The following PIK3C3 variants were observed in gnomAD, a reference collection of about 807,000 sequenced individuals.
The protein encoded by PIK3C3 is PI3-kinase type 3.
A neutral mutation model predicts 126.1 loss-of-function variants in PIK3C3; 95 were observed. The observed-to-expected ratio is 0.75, with a 90% CI of 0.64 to 0.89. PIK3C3 has a LOEUF of 0.89. Ranked by LOEUF, PIK3C3 falls within the 40% of genes least tolerant of loss-of-function variation. The probability of loss-of-function intolerance (pLI) is 0.00; values close to 1 mark genes in which losing one functional copy is unlikely to be tolerated. For missense variants in PIK3C3, 829 were observed against 1,063.2 expected (o/e 0.78, Z 3.06); for synonymous variants, 374 against 360.0 (o/e 1.04, Z -0.44).
Position 42,049,548 on chromosome 18 carries a change from A to G in PIK3C3, c.2206A>G (p.Thr736Ala), listed in dbSNP as rs1984701774. ...TACTGCAGCTGGATATTGCGTGATC[A>G]CCTATATACTTGGAGTTGGAGACAG... is the stretch of plus-strand genomic sequence containing the variant. Reference protein sequence around the residue: ...VKSCAGYCVITYILGVGDRHL... With the variant: ...VKSCAGYCVIAYILGVGDRHL... Residue 736 changes from threonine to alanine, a missense_variant, in exon 21 of 25, where the codon ACC becomes GCC. By Grantham distance (58) the Thr-to-Ala change is moderately conservative (BLOSUM62 0). This residue lies in a region of PIK3C3 where 196 missense variants were observed against 312.8 expected (regional missense o/e 0.63). Coordinates refer to ENST00000262039, the MANE Select transcript of PIK3C3 (RefSeq NM_002647.4). 6.2e-7 allele frequency: 1 copy of G among 1,612,782 alleles called. No individual in the cohort carries two copies. Among genetic ancestry groups the G allele is most frequent in the Non-Finnish European group, 8.5e-7 (1 of 1,179,196 alleles).
In PIK3C3 at chr18:42,049,586, C is replaced by T. The variant is rs1203989812; in HGVS notation, c.2244C>T (p.Asn748=). 2 of 1,612,860 alleles carry T rather than the reference C, an allele frequency of 1.2e-6. No homozygotes were observed. The highest frequency in any genetic ancestry group is 1.1e-5 in the South Asian group (1 of 91,058). ...GAGTTGGAGACAGGCACCTGGATAA[C>T]CTTTTGCTAACAAAAACAGGTAACA... ...ILGVGDRHLD[N]LLLTKTGKLF... The change falls in exon 21 of 25, where the codon AAC becomes AAT. Residue 748 remains asparagine (N), a synonymous_variant. Coordinates refer to ENST00000262039, the MANE Select transcript of PIK3C3 (RefSeq NM_002647.4).
intron 10 of PIK3C3, among the ~76,000 whole-genome samples, chr18:42,010,540 A>G (rs577664356): frequency 6.6e-6 from 1 of 152,050 alleles, no homozygotes; most frequent in African/African-American, 2.4e-5. Flanking sequence ...TAATTTTTGT[A>G]TTTTTAGTAG....
chr18:41,977,660 G>A (rs1321480868), intron 4 of PIK3C3, among the ~76,000 whole-genome samples: 1 of 151,930 alleles, frequency 6.6e-6, no homozygotes, highest in Non-Finnish European at 1.5e-5. Context: ...GCTAATTTTT[G>A]TAATTGTAGA....
At chr18:41,999,935 A>G (rs1982203350) in intron 9 of PIK3C3, among the ~76,000 whole-genome samples, 1 of 152,170 alleles carries the variant, frequency 6.6e-6, no homozygotes, top group Admixed American at 6.5e-5. Context: ...ATGGTTATGA[A>G]ATAGAAAAGA....
chr18:41,964,188 G>T (rs1230617022), intron 3 of PIK3C3, among the ~76,000 whole-genome samples: 1 of 152,044 alleles, frequency 6.6e-6, no homozygotes, highest in Non-Finnish European at 1.5e-5. Flanking sequence ...AAAACAAATG[G>T]TTTGAATATT....
intron 4 of PIK3C3, among the ~76,000 whole-genome samples, chr18:41,983,276 G>A (rs1356299676): frequency 1.3e-5 from 2 of 151,888 alleles, no homozygotes; most frequent in East Asian, 3.9e-4. Flanking sequence ...ATGGAAGTTT[G>A]TTACTTAATA....
Position 42,077,730 on chromosome 18 carries a change from A to G in PIK3C3, c.2650-3393A>G, listed in dbSNP as rs533256416. On this transcript the variant is annotated intron_variant, in intron 24 of 24. Transcript: ENST00000262039. ...TGGAATCAACTTCTTCCGAACTCCTATTAATGTTGATATTTTCACCTCCTC... is the reference window on the plus strand; with the variant it reads ...TGGAATCAACTTCTTCCGAACTCCTGTTAATGTTGATATTTTCACCTCCTC... Among the ~76,000 whole-genome samples the G allele has an allele frequency of 2.0e-5, 3 of 152,296 alleles. No individual in the cohort carries two copies. In the South Asian group the frequency reaches 6.2e-4, roughly 32 times the overall value.
At chr18:42,004,241 A>G in intron 9 of PIK3C3, 115 bp from the exon 10 acceptor site, 2 of 691,854 alleles carry the variant, frequency 2.9e-6, no homozygotes, top group Non-Finnish European at 5.0e-6. Context: ...TTACACAAGG[A>G]GTCTATCACT....
intron 10 of PIK3C3, among the ~76,000 whole-genome samples, chr18:42,011,677 C>T (rs550046993): frequency 7.9e-5 from 12 of 152,266 alleles, no homozygotes; most frequent in African/African-American, 2.9e-4. Context: ...CCTTTGCATT[C>T]GTACCTTGGC....
intron 6 of PIK3C3, 93 bp downstream of exon 6, chr18:41,990,647 G>C (rs1245100599): frequency 2.9e-6 from 2 of 691,804 alleles, no homozygotes; most frequent in African/African-American, 1.8e-5. Flanking sequence ...GAATTATTTG[G>C]TTGCAGGGTA....
chr18:42,030,813 G>A (rs1983789630), intron 15 of PIK3C3, among the ~76,000 whole-genome samples: 1 of 152,192 alleles, frequency 6.6e-6, no homozygotes, highest in Non-Finnish European at 1.5e-5. Context: ...CTGACCTGCA[G>A]TTTGGGGCTT....
chr18:42,076,225 T>TATATATATATGCACATATATATATGC (rs1986028966), intron 24 of PIK3C3, among the ~76,000 whole-genome samples: 1 of 136,898 alleles, frequency 7.3e-6, no homozygotes, highest in African/African-American at 3.0e-5. Context: ...TATATATGCA[T>TATATATATATGCACATATATATATGC]ATATATATTA....
chr18:41,961,802 A>T (rs919237553), intron 2 of PIK3C3, among the ~76,000 whole-genome samples: 1 of 152,214 alleles, frequency 6.6e-6, no homozygotes, highest in African/African-American at 2.4e-5. Flanking sequence ...TTACATAAAT[A>T]TATAGAGGGT....
chr18:42,055,948 C>T (rs1010346677), intron 21 of PIK3C3, among the ~76,000 whole-genome samples: 3 of 151,964 alleles, frequency 2.0e-5, no homozygotes, highest in African/African-American at 7.2e-5. Flanking sequence ...TAATTAGCAC[C>T]TCTTACTCCC....
chr18:42,045,538 C>T (rs929261616), intron 20 of PIK3C3, among the ~76,000 whole-genome samples: 3 of 152,150 alleles, frequency 2.0e-5, no homozygotes, highest in African/African-American at 7.2e-5. Context: ...CTGGCTTGGG[C>T]CTCTTAGAGC....
intron 5 of PIK3C3, among the ~76,000 whole-genome samples, chr18:41,988,874 CTT>C (rs900692921): frequency 2.0e-5 from 3 of 152,022 alleles, no homozygotes; most frequent in East Asian, 1.9e-4. Context: ...ATAATACTAA[CTT>C]ATATTTTTCT....
chr18:41,987,763 T>C (rs1356432143), intron 4 of PIK3C3, 49 bp from the exon 5 acceptor site: 1 of 1,286,158 alleles, frequency 7.8e-7, no homozygotes, highest in Admixed American at 1.7e-5. Context: ...TTGGTCCTTC[T>C]TTCTACTAGA....
chr18:42,036,000 C>T (rs978895730), intron 16 of PIK3C3, among the ~76,000 whole-genome samples: 3 of 152,004 alleles, frequency 2.0e-5, no homozygotes, highest in African/African-American at 4.8e-5. Flanking sequence ...TAGATGAAAT[C>T]GTATTGAATC....
At chr18:42,052,004 TAAA>T (rs1025016328) in intron 21 of PIK3C3, among the ~76,000 whole-genome samples, 5 of 151,696 alleles carry the variant, frequency 3.3e-5, no homozygotes, top group Admixed American at 3.3e-4. Context: ...ATAAAATAAA[TAAA>T]AAAGAATTTG....
Sources: gnomAD v4.1 joint callset for allele counts (sites outside exome capture counted in the v4.1 genomes callset) on GRCh38, gnomAD v4.1.1 for gene constraint, gnomAD v4.1.1 regional missense constraint, MANE v1.5 for transcripts, NCBI Gene and HGNC (gene_info 2026-07-23, HGNC 2026-07-21) for gene names.